Variants in CADM2 observed in about 807,000 individuals in gnomAD.
The protein encoded by CADM2 is immunoglobulin superfamily member 4D.
Under a neutral mutation model 49.8 loss-of-function variants are expected in CADM2, and 12 were observed. That is an observed-to-expected ratio of 0.24 (90% CI 0.15 to 0.39). CADM2 has a LOEUF of 0.39. Ranked by LOEUF, CADM2 falls within the 10% of genes least tolerant of loss-of-function variation. CADM2 has a pLI of 1.00. For missense variants in CADM2, 378 were observed against 492.3 expected, an observed-to-expected ratio of 0.77 and a Z score of 2.20; for synonymous variants, 214 against 175.4, an observed-to-expected ratio of 1.22 and a Z score of -1.74.
intron 1 of CADM2, among the ~76,000 whole-genome samples, chr3:85,463,287 T>G (rs559377118): frequency 3.3e-4 from 50 of 152,304 alleles, no homozygotes; most frequent in Middle Eastern, 3.4e-3. Flanking sequence ...CCCATTATTC[T>G]AACTGATTTT....
intron 1 of CADM2, among the ~76,000 whole-genome samples, chr3:85,437,710 A>G (rs932996178): frequency 7.9e-5 from 12 of 152,018 alleles, no homozygotes; most frequent in African/African-American, 2.6e-4. Flanking sequence ...GGCTGTGGAA[A>G]TCCTTGTTAC....
chr3:85,307,554 C>T (rs558528719), intron 1 of CADM2, among the ~76,000 whole-genome samples: 1 of 151,500 alleles, frequency 6.6e-6, no homozygotes, highest in African/African-American at 2.4e-5. Context: ...AAATAATTTC[C>T]AATGCTGCAA....
intron 1 of CADM2, among the ~76,000 whole-genome samples, chr3:85,176,102 A>T (rs956124022): frequency 6.6e-6 from 1 of 151,976 alleles, no homozygotes; most frequent in Non-Finnish European, 1.5e-5. Context: ...GGTCAAGAGG[A>T]GAAATCAATA....
chr3:85,783,606 G>GA (rs2070789572), intron 2 of CADM2, among the ~76,000 whole-genome samples: 1 of 151,920 alleles, frequency 6.6e-6, no homozygotes, highest in Non-Finnish European at 1.5e-5. Flanking sequence ...GCTAATTCAA[G>GA]AAAAAAACGA....
chr3:85,273,867 G>T (rs573161209), intron 1 of CADM2, among the ~76,000 whole-genome samples: 1 of 151,528 alleles, frequency 6.6e-6, no homozygotes, highest in South Asian at 2.1e-4. Context: ...GGAGATGGAC[G>T]TAAGAAGAGG....
intron 1 of CADM2, among the ~76,000 whole-genome samples, chr3:85,101,419 C>T (rs1007223065): frequency 6.6e-6 from 1 of 151,950 alleles, no homozygotes; most frequent in Admixed American, 6.6e-5. Context: ...GTATAAAGGC[C>T]TCCAAAAAAA....
At chr3:85,640,090 A>G (rs1469584445) in intron 1 of CADM2, among the ~76,000 whole-genome samples, 2 of 152,288 alleles carry the variant, frequency 1.3e-5, no homozygotes, top group African/African-American at 2.4e-5. Context: ...TTGTTCCTCA[A>G]TGTCCTCCGT....
At position 85,140,829 on chromosome 3, in the gene CADM2, G is replaced by C. The variant is rs73843299; in HGVS notation, c.61+181161G>C. On this transcript the variant is annotated intron_variant, in intron 1 of 9. Coordinates refer to ENST00000383699, the MANE Select transcript of CADM2 (RefSeq NM_001167675.2). Reference sequence around the variant, plus strand: ...AATATCACAGCTTGTCTTTAACTTGGCAGGATTTGCAGACTTGCTTTTAAT... The same window carrying C: ...AATATCACAGCTTGTCTTTAACTTGCCAGGATTTGCAGACTTGCTTTTAAT... Among the ~76,000 whole-genome samples the C allele has an allele frequency of 4.8e-3, 738 of 152,226 alleles. 10 individuals are homozygous for C. Among genetic ancestry groups the C allele is most frequent in the African/African-American group, 0.017 (701 of 41,538 alleles).
intron 1 of CADM2, among the ~76,000 whole-genome samples, chr3:85,507,759 A>G (rs972191904): frequency 1.3e-5 from 2 of 152,204 alleles, no homozygotes; most frequent in African/African-American, 4.8e-5. Context: ...TTACATATCA[A>G]TATTTTCTCA....
At chr3:85,230,245 C>T (rs2042256331) in intron 1 of CADM2, among the ~76,000 whole-genome samples, 1 of 152,178 alleles carries the variant, frequency 6.6e-6, no homozygotes, top group Admixed American at 6.5e-5. Flanking sequence ...GTCTTAAATA[C>T]TGTAACTTTA....
At chr3:85,381,113 G>A (rs1478597343) in intron 1 of CADM2, among the ~76,000 whole-genome samples, 1 of 152,044 alleles carries the variant, frequency 6.6e-6, no homozygotes, top group Non-Finnish European at 1.5e-5. Flanking sequence ...GATAGGATAT[G>A]TGTGTATGTG....
intron 7 of CADM2, among the ~76,000 whole-genome samples, chr3:85,946,587 C>T (rs1215237689): frequency 2.6e-5 from 4 of 151,820 alleles, no homozygotes; most frequent in Non-Finnish European, 5.9e-5. Context: ...GGTACTGGTA[C>T]CAAAACAGAG....
At chr3:85,029,412 T>C (rs1454530306) in intron 1 of CADM2, among the ~76,000 whole-genome samples, 1 of 152,206 alleles carries the variant, frequency 6.6e-6, no homozygotes, top group Non-Finnish European at 1.5e-5. Flanking sequence ...GTCTCTTTGT[T>C]AAGGATCTTT....
At chr3:85,425,984 A>C (rs1399481508) in intron 1 of CADM2, among the ~76,000 whole-genome samples, 1 of 152,190 alleles carries the variant, frequency 6.6e-6, no homozygotes, top group Non-Finnish European at 1.5e-5. Flanking sequence ...AGAGCCTAAG[A>C]AGGCTAGAAG....
At chr3:84,985,581 G>T (rs1021292314) in intron 1 of CADM2, among the ~76,000 whole-genome samples, 1 of 151,996 alleles carries the variant, frequency 6.6e-6, no homozygotes, top group Admixed American at 6.6e-5. Context: ...AACAAGAAAC[G>T]TGCATTCATT....
intron 7 of CADM2, among the ~76,000 whole-genome samples, chr3:85,946,080 G>C (rs1264935465): frequency 6.6e-6 from 1 of 152,104 alleles, no homozygotes; most frequent in African/African-American, 2.4e-5. Context: ...CTTCAGCAAA[G>C]TCTCAGGATA....
rs544502087 is a variant in CADM2, at chr3:85,156,603, G to A, written c.61+196935G>A. On this transcript the variant is annotated intron_variant, in intron 1 of 9. Coordinates refer to ENST00000383699, the MANE Select transcript of CADM2 (RefSeq NM_001167675.2). ...CTATTCGAATCAATAGAAAAAGAGG[G>A]AAACCTCCCTAACTCATTTTATGAG... Among the ~76,000 whole-genome samples, 17 of 152,234 alleles carry A rather than the reference G, an allele frequency of 1.1e-4. No homozygotes were observed. In the South Asian group the frequency reaches 3.1e-3, roughly 28 times the overall value.
At chr3:85,350,982 T>C (rs1445619357) in intron 1 of CADM2, among the ~76,000 whole-genome samples, 2 of 152,084 alleles carry the variant, frequency 1.3e-5, no homozygotes. Flanking sequence ...CAAGAAAAAA[T>C]ATTCTCAAAA....
intron 1 of CADM2, among the ~76,000 whole-genome samples, chr3:85,683,376 G>A (rs1042876346): frequency 6.6e-6 from 1 of 152,100 alleles, no homozygotes; most frequent in African/African-American, 2.4e-5. Flanking sequence ...TGCTCTCCCT[G>A]TCTTAACAGG....
Sources: allele counts gnomAD v4.1 joint callset (sites outside exome capture counted in the v4.1 genomes callset), GRCh38; gene constraint gnomAD v4.1.1; transcripts MANE v1.5; gene names NCBI Gene and HGNC (gene_info 2026-07-23, HGNC 2026-07-21).